The following AZIN1 variants were observed in gnomAD, a reference collection of about 807,000 sequenced individuals.
AZIN1 encodes the protein antizyme inhibitor 1.
A neutral mutation model predicts 47.4 loss-of-function variants in AZIN1; 12 were observed. That is an observed-to-expected ratio of 0.25 (90% CI 0.16 to 0.41). The LOEUF is 0.41. Ranked by LOEUF, AZIN1 falls within the 10% of genes least tolerant of loss-of-function variation. AZIN1 has a pLI of 1.00. For synonymous variants in AZIN1, 155 were observed against 176.3 expected (o/e 0.88, Z 0.96); for missense variants, 410 against 532.4 (o/e 0.77, Z 2.26).
chr8:102,829,694 G>GC (rs2131188120), intron 10 of AZIN1, 127 bp downstream of exon 10: 2 of 859,400 alleles, frequency 2.3e-6, no homozygotes, highest in East Asian at 5.2e-5. Context: ...CCAGAAGAAC[G>GC]CAAATCCTCA....
intron 9 of AZIN1, among the ~76,000 whole-genome samples, chr8:102,832,292 C>T (rs1252040650): frequency 6.6e-6 from 1 of 151,926 alleles, no homozygotes; most frequent in African/African-American, 2.4e-5. Context: ...GACAACTTTC[C>T]TATGGGCTGT....
chr8:102,836,090 A>C (rs1257603931), intron 6 of AZIN1, among the ~76,000 whole-genome samples, 166 bp downstream of exon 6: 1 of 152,196 alleles, frequency 6.6e-6, no homozygotes, highest in Non-Finnish European at 1.5e-5. Context: ...AGGCATATTT[A>C]AGTTGTTTTG....
chr8:102,853,312 G>T (rs1015581376), intron 2 of AZIN1, among the ~76,000 whole-genome samples: 2 of 152,224 alleles, frequency 1.3e-5, no homozygotes, highest in African/African-American at 2.4e-5. Context: ...AGACAAGTCT[G>T]ACCAATATGG....
chr8:102,861,802 G>T (rs1487529987), intron 1 of AZIN1, among the ~76,000 whole-genome samples: 1 of 151,966 alleles, frequency 6.6e-6, no homozygotes, highest in African/African-American at 2.4e-5. Flanking sequence ...CAGCACTCTG[G>T]GAGGCCGAGA....
At chr8:102,863,603 T>C (rs1355893181) in intron 1 of AZIN1, among the ~76,000 whole-genome samples, 1 of 146,188 alleles carries the variant, frequency 6.8e-6, no homozygotes, top group Non-Finnish European at 1.5e-5. Context: ...CCGAAGGTCC[T>C]GAGGCGCGGC....
intron 2 of AZIN1, chr8:102,850,261 A>G (rs965785910): frequency 2.6e-5 from 4 of 152,226 alleles, no homozygotes; most frequent in African/African-American, 9.6e-5. Context: ...ACTCATTAAA[A>G]ATGAGAAAAG....
chr8:102,832,519 T>C (rs935031047), intron 9 of AZIN1, among the ~76,000 whole-genome samples: 12 of 152,182 alleles, frequency 7.9e-5, no homozygotes, highest in African/African-American at 2.4e-4. Context: ...ACAATAAAAG[T>C]AGTTCTGAAT....
At chr8:102,853,486 GA>G (rs1388607650) in intron 2 of AZIN1, among the ~76,000 whole-genome samples, 1 of 152,152 alleles carries the variant, frequency 6.6e-6, no homozygotes, top group Non-Finnish European at 1.5e-5. Flanking sequence ...TGGGCAACAA[GA>G]GCGAAACTTC....
upstream of AZIN1, chr8:102,864,173 G>T (rs951950690): frequency 5.5e-6 from 1 of 182,048 alleles, no homozygotes; most frequent in African/African-American, 2.4e-5. Context: ...TGAGAAGGCG[G>T]CGCCAGCGAC....
chr8:102,829,611 G>T, intron 10 of AZIN1, 125 bp from the exon 11 acceptor site: 2 of 971,676 alleles, frequency 2.1e-6, no homozygotes, highest in Admixed American at 2.5e-5. Context: ...TAGAGCCAAG[G>T]GCAGGGTGCT....
chr8:102,828,595 T>C lies in AZIN1; in HGVS notation c.1319A>G (p.Gln440Arg). The change falls in exon 12 of 12, where the codon CAA (glutamine) becomes CGA (arginine). Residue 440 changes from glutamine (Q) to arginine (R), a missense_variant. Physicochemically the swap from Gln to Arg is conservative, Grantham distance 43. Around this residue, in one of 3 missense-constraint regions of AZIN1, gnomAD observed 168 missense variants for 198.3 expected, o/e 0.85. Coordinates refer to ENST00000337198, the MANE Select transcript of AZIN1 (RefSeq NM_148174.4). ...AGCTTCAGCGGAAAAGCTGTCTTCT[T>C]GGCTCAGCTGAATGCAAGAAGGCAC... The part of the protein sequence containing the change: ...FFVPSCIQLS[Q>R]EDSFSAEA 6.2e-7 allele frequency: 1 copy of C among 1,610,530 alleles called. No homozygotes were observed. Among genetic ancestry groups the C allele is most frequent in the Non-Finnish European group, 8.5e-7 (1 of 1,177,202 alleles).
intron 5 of AZIN1, among the ~76,000 whole-genome samples, chr8:102,838,438 G>C (rs1811961839): frequency 1.3e-5 from 2 of 152,060 alleles, no homozygotes; most frequent in South Asian, 4.1e-4. Context: ...CAAAGTTATA[G>C]AAATAATGAA....
intron 1 of AZIN1, among the ~76,000 whole-genome samples, chr8:102,860,223 C>T (rs989695172): frequency 1.3e-5 from 2 of 152,106 alleles, no homozygotes; most frequent in African/African-American, 2.4e-5. Context: ...AGAGAGGGCT[C>T]GGTTGGTCAG....
intron 3 of AZIN1, among the ~76,000 whole-genome samples, chr8:102,843,306 T>C (rs371116154): frequency 2.0e-5 from 3 of 151,420 alleles, no homozygotes; most frequent in African/African-American, 7.3e-5. Context: ...ACAGAACATA[T>C]GTGGGTGCCA....
intron 5 of AZIN1, among the ~76,000 whole-genome samples, chr8:102,837,958 G>A (rs1811926936): frequency 6.6e-6 from 1 of 152,128 alleles, no homozygotes; most frequent in South Asian, 2.1e-4. Context: ...TTTTATGAGG[G>A]AGTCTTGCTC....
chr8:102,827,316 A>G lies in AZIN1; in HGVS notation c.*1251T>C, dbSNP rs1356776806. On this transcript the variant is annotated 3_prime_UTR_variant, in exon 12 of 12. Coordinates refer to ENST00000337198, the MANE Select transcript of AZIN1 (RefSeq NM_148174.4). The stretch of plus-strand genomic sequence containing the variant: ...CAACAACTGTCAGGTTAGTGATGCT[A>G]ACTCCCTTCCCCCAACCACCATAAA... 2 of 152,222 alleles carry G rather than the reference A, an allele frequency of 1.3e-5. No homozygotes were observed. The highest frequency in any genetic ancestry group is 2.9e-5 in the Non-Finnish European group (2 of 68,024). The allele number at this position is 152,222 out of a possible 1,614,324, so 9.4% of individuals were successfully genotyped here.
rs996107007 is a variant in AZIN1, at chr8:102,834,649, TAAAA to T, written c.666+13_666+16del. On this transcript the variant is annotated intron_variant, in intron 7 of 11. Transcript: ENST00000337198. Reference sequence around the variant, plus strand: ...GCTAAAATAAAATATCAAAATAACTTAAAAGAAAGAACTTACAGCCATGTCAAAC... The same window carrying T: ...GCTAAAATAAAATATCAAAATAACTTGAAAGAACTTACAGCCATGTCAAAC... 1.3e-5 allele frequency: 20 copies of T among 1,562,772 alleles called. No individual in the cohort carries two copies. Among genetic ancestry groups the T allele is most frequent in the Admixed American group, 1.8e-5 (1 of 55,340 alleles).
At chr8:102,836,200 G>C in intron 6 of AZIN1, 56 bp downstream of exon 6, 1 of 1,527,452 alleles carries the variant, frequency 6.5e-7, no homozygotes, top group Middle Eastern at 1.7e-4. Context: ...TAACCAGAAA[G>C]ACAGGTTACC....
At chr8:102,829,529 G>C in intron 10 of AZIN1, 43 bp from the exon 11 acceptor site, 1 of 1,493,772 alleles carries the variant, frequency 6.7e-7, no homozygotes, top group Non-Finnish European at 9.2e-7. Flanking sequence ...TCATACTTAC[G>C]CAGGTATTGA....
Sources: allele counts gnomAD v4.1 joint callset (sites outside exome capture counted in the v4.1 genomes callset), GRCh38; gene constraint gnomAD v4.1.1; regional missense constraint gnomAD v4.1.1; transcripts MANE v1.5; gene names NCBI Gene and HGNC (gene_info 2026-07-23, HGNC 2026-07-21).